EFNA2: variants seen among roughly 807,000 people sequenced by gnomAD.
The protein encoded by EFNA2 is ephrin-A2.
A neutral mutation model predicts 19.7 loss-of-function variants in EFNA2; 18 were observed. The observed-to-expected ratio is 0.91, with a 90% CI of 0.63 to 1.35. The LOEUF (loss-of-function observed/expected upper bound fraction) is 1.35, where lower values mean the gene tolerates loss of function less well. EFNA2 is among the 40% of genes most tolerant of loss of function. EFNA2 has a pLI of 0.00. For missense variants in EFNA2, 303 were observed against 296.0 expected, an observed-to-expected ratio of 1.02 and a Z score of -0.17; for synonymous variants, 187 against 137.8, an observed-to-expected ratio of 1.36 and a Z score of -2.50.
Position 1,295,532 on chromosome 19 carries a change from C to G in EFNA2, c.141-13C>G. On this transcript the variant is annotated splice_polypyrimidine_tract_variant and intron_variant, in intron 1 of 3. Coordinates refer to ENST00000215368, the MANE Select transcript of EFNA2 (RefSeq NM_001405.4). This position sits in a 1 kb window ranked among gnomAD's most constrained non-coding sequence, Gnocchi z 5.8. ...GCTCCGGGCGCTGACCTCTGGCCGC[C>G]TTGTCCCCGCAGGTTCCACGCAGGC... is the stretch of plus-strand genomic sequence containing the variant. 4 of 1,569,330 alleles carry G rather than the reference C, an allele frequency of 2.5e-6. No homozygotes were observed. The highest frequency in any genetic ancestry group is 2.6e-6 in the Non-Finnish European group (3 of 1,159,416).
At position 1,300,406 on chromosome 19, in the gene EFNA2, ACAG is replaced by A. The variant is rs2081537032; in HGVS notation, c.*463_*465del. ...GAACGCGGAACATGGGGTCGGGAAC[ACAG>A]CCGCTCCCCTCTGCTCTGCACCCCA... On this transcript the variant is annotated 3_prime_UTR_variant, in exon 4 of 4. Transcript: ENST00000215368. 6.6e-6 allele frequency among the ~76,000 whole-genome samples: 1 copy of A among 151,246 alleles called. No homozygotes were observed. Among genetic ancestry groups the A allele is most frequent in the South Asian group, 2.1e-4 (1 of 4,806 alleles).
In EFNA2 at chr19:1,297,508, C is replaced by T. The variant is rs1287350462; in HGVS notation, c.455-1043C>T. Among the ~76,000 whole-genome samples the T allele has an allele frequency of 1.3e-5, 2 of 152,018 alleles. No homozygotes were observed. Among genetic ancestry groups the T allele is most frequent in the Non-Finnish European group, 2.9e-5 (2 of 68,006 alleles). ...TCCAGTGTGAGGGGTTTCTAGGGGG[C>T]GGGCAGAGGTGGTGGCCATGAGAGC... On this transcript the variant is annotated intron_variant, in intron 2 of 3. Transcript: ENST00000215368. The surrounding 1 kb of genome is among the most constrained non-coding windows in gnomAD (Gnocchi z 5.0).
chr19:1,295,892 G>T lies in EFNA2; in HGVS notation c.454+34G>T, dbSNP rs563038455. ...GGTCGGGCCGGGGCTGCCGGGGCCC[G>T]AGTGGGCGGGGACGCGGGGGCGGGG... On this transcript the variant is annotated intron_variant, in intron 2 of 3. Transcript: ENST00000215368. This position sits in a 1 kb window ranked among gnomAD's most constrained non-coding sequence, Gnocchi z 5.8. 1 of 1,529,706 alleles carries T rather than the reference G, an allele frequency of 6.5e-7. No individual in the cohort carries two copies. The highest frequency in any genetic ancestry group is 1.2e-5 in the South Asian group (1 of 81,308). 94.8% of individuals were successfully genotyped at this position (1,529,706 alleles called of 1,614,324 possible).
chr19:1,288,771 T>C (rs1260523209), intron 1 of EFNA2, among the ~76,000 whole-genome samples: 1 of 151,278 alleles, frequency 6.6e-6, no homozygotes, highest in Non-Finnish European at 1.5e-5. Context: ...CGCTATAAGG[T>C]GGGGCCCCGT....
rs1026077295 is a variant in EFNA2, at chr19:1,301,331, G to C, written c.*1386G>C. Among the ~76,000 whole-genome samples, 1 of 151,342 alleles carries C rather than the reference G, an allele frequency of 6.6e-6. No individual in the cohort carries two copies. Among genetic ancestry groups the C allele is most frequent in the Non-Finnish European group, 1.5e-5 (1 of 67,862 alleles). On this transcript the variant is annotated 3_prime_UTR_variant, in exon 4 of 4. Transcript: ENST00000215368. ...TTGTAGGGGGTCGGCGGGGCGGGCCGCGTTGCCAGGCCTGGAGCTGGCGAC... is the reference window on the plus strand; with the variant it reads ...TTGTAGGGGGTCGGCGGGGCGGGCCCCGTTGCCAGGCCTGGAGCTGGCGAC...
chr19:1,293,073 G>T (rs979964673), intron 1 of EFNA2, among the ~76,000 whole-genome samples: 3 of 152,188 alleles, frequency 2.0e-5, no homozygotes, highest in Non-Finnish European at 4.4e-5. Flanking sequence ...GTTGAATGTG[G>T]CTCCCTGGGG....
In EFNA2 at chr19:1,287,441, C is replaced by T. The variant is rs1325664384; in HGVS notation, c.140+1133C>T. 6.6e-6 allele frequency among the ~76,000 whole-genome samples: 1 copy of T among 152,198 alleles called. No homozygotes were observed. The highest frequency in any genetic ancestry group is 2.4e-5 in the African/African-American group (1 of 41,448). On this transcript the variant is annotated intron_variant, in intron 1 of 3. Transcript: ENST00000215368. This position sits in a 1 kb window ranked among gnomAD's most constrained non-coding sequence, Gnocchi z 6.2. ...TCCGTTTTCCAGCCGCTTCCTGTGCCGACCGAGCCGCCCTCTGGAGCCCGC... is the reference window on the plus strand; with the variant it reads ...TCCGTTTTCCAGCCGCTTCCTGTGCTGACCGAGCCGCCCTCTGGAGCCCGC...
At position 1,296,468 on chromosome 19, in the gene EFNA2, G is replaced by C. The variant is rs1462096144; in HGVS notation, c.454+610G>C. On this transcript the variant is annotated intron_variant, in intron 2 of 3. Coordinates refer to ENST00000215368, the MANE Select transcript of EFNA2 (RefSeq NM_001405.4). The surrounding 1 kb of genome is among the most constrained non-coding windows in gnomAD (Gnocchi z 4.4). ...GAGGCGGGAGGATCACTTGAGGCCAGCGTGGACAACGTAGGGAGACCTTCT... is the reference window on the plus strand; with the variant it reads ...GAGGCGGGAGGATCACTTGAGGCCACCGTGGACAACGTAGGGAGACCTTCT... Among the ~76,000 whole-genome samples, 1 of 152,176 alleles carries C rather than the reference G, an allele frequency of 6.6e-6. No homozygotes were observed. The highest frequency in any genetic ancestry group is 1.5e-5 in the Non-Finnish European group (1 of 68,032).
At position 1,294,118 on chromosome 19, in the gene EFNA2, C is replaced by T. The variant is rs1297023144; in HGVS notation, c.141-1427C>T. Among the ~76,000 whole-genome samples, 1 of 152,256 alleles carries T rather than the reference C, an allele frequency of 6.6e-6. No homozygotes were observed. Among genetic ancestry groups the T allele is most frequent in the East Asian group, 1.9e-4 (1 of 5,198 alleles). Reference sequence around the variant, plus strand: ...CAACACTGGTGGGGCCTCAGTTTCCCCTGCCTGTGCATGGAGGGAGGAGGC... The same window carrying T: ...CAACACTGGTGGGGCCTCAGTTTCCTCTGCCTGTGCATGGAGGGAGGAGGC... On this transcript the variant is annotated intron_variant, in intron 1 of 3. Transcript: ENST00000215368. This position sits in a 1 kb window ranked among gnomAD's most constrained non-coding sequence, Gnocchi z 5.8.
Position 1,294,280 on chromosome 19 carries a change from G to A in EFNA2, c.141-1265G>A, listed in dbSNP as rs547355901. Among the ~76,000 whole-genome samples the A allele has an allele frequency of 3.9e-5, 6 of 152,338 alleles. No homozygotes were observed. The highest frequency in any genetic ancestry group is 1.9e-4 in the East Asian group (1 of 5,182). On this transcript the variant is annotated intron_variant, in intron 1 of 3. Transcript: ENST00000215368. This position sits in a 1 kb window ranked among gnomAD's most constrained non-coding sequence, Gnocchi z 5.8. ...GACAGGGGCCCTGGGGACCACAGCC[G>A]GGAGATCTAAGGGCTCCTGCCGCCA...
chr19:1,285,238 A>G (rs2081457757), upstream of EFNA2, among the ~76,000 whole-genome samples: 1 of 152,192 alleles, frequency 6.6e-6, no homozygotes, highest in African/African-American at 2.4e-5. The surrounding 1 kb of genome is among the most constrained non-coding windows in gnomAD (Gnocchi z 4.1). Context: ...CCCTGCCTGC[A>G]GGATTCGTGC....
chr19:1,289,841 C>T (rs1330070623), intron 1 of EFNA2, among the ~76,000 whole-genome samples: 2 of 152,198 alleles, frequency 1.3e-5, no homozygotes, highest in Admixed American at 1.3e-4. Flanking sequence ...CCGCTGGCGT[C>T]CCTCGGCCTC....
In EFNA2 at chr19:1,295,422, T is replaced by C. The variant is rs1600059458; in HGVS notation, c.141-123T>C. On this transcript the variant is annotated intron_variant, in intron 1 of 3. Coordinates refer to ENST00000215368, the MANE Select transcript of EFNA2 (RefSeq NM_001405.4). The surrounding 1 kb of genome is among the most constrained non-coding windows in gnomAD (Gnocchi z 5.8). Reference sequence around the variant, plus strand: ...TCCCCCGTGCTCCTGACCCCGGCCCTCGCCGCGCACCCCGACCCGTCCCTC... The same window carrying C: ...TCCCCCGTGCTCCTGACCCCGGCCCCCGCCGCGCACCCCGACCCGTCCCTC... 1 of 987,732 alleles carries C rather than the reference T, an allele frequency of 1.0e-6. No individual in the cohort carries two copies. Among genetic ancestry groups the C allele is most frequent in the Non-Finnish European group, 1.4e-6 (1 of 731,112 alleles). The allele number at this position is 987,732 out of a possible 1,614,324, so 61.2% of individuals were successfully genotyped here.
chr19:1,290,284 G>A (rs533664653), intron 1 of EFNA2, among the ~76,000 whole-genome samples: 1 of 152,258 alleles, frequency 6.6e-6, no homozygotes, highest in African/African-American at 2.4e-5. Context: ...TGTGTCTCAC[G>A]GTCTCTTTGG....
At chr19:1,288,840 A>G (rs577722144) in intron 1 of EFNA2, among the ~76,000 whole-genome samples, 21 of 152,212 alleles carry the variant, frequency 1.4e-4, no homozygotes, top group South Asian at 6.2e-4. Context: ...GCGTCCGTCC[A>G]ACCCACTCCC....
Position 1,294,920 on chromosome 19 carries a change from C to T in EFNA2, c.141-625C>T, listed in dbSNP as rs745398117. Among the ~76,000 whole-genome samples, 3 of 151,766 alleles carry T rather than the reference C, an allele frequency of 2.0e-5. No individual in the cohort carries two copies. Among genetic ancestry groups the T allele is most frequent in the Non-Finnish European group, 3.0e-5 (2 of 67,758 alleles). On this transcript the variant is annotated intron_variant, in intron 1 of 3. Coordinates refer to ENST00000215368, the MANE Select transcript of EFNA2 (RefSeq NM_001405.4). The surrounding 1 kb of genome is among the most constrained non-coding windows in gnomAD (Gnocchi z 5.8). ...AGATGTTAAGCATGTTAGGTAGATG[C>T]GAAGTTTCTGGAGAGGGAATTCTTG...
In EFNA2 at chr19:1,286,555, A is replaced by T. The variant is rs1029286724; in HGVS notation, c.140+247A>T. On this transcript the variant is annotated intron_variant, in intron 1 of 3. Coordinates refer to ENST00000215368, the MANE Select transcript of EFNA2 (RefSeq NM_001405.4). The surrounding 1 kb of genome is among the most constrained non-coding windows in gnomAD (Gnocchi z 5.6). ...TACGGACTGTGGGGACTCGCGCCCC[A>T]CATCCCCCAGAGCGCCGACGTCTCC... 1.3e-5 allele frequency among the ~76,000 whole-genome samples: 2 copies of T among 151,772 alleles called. No homozygotes were observed. The highest frequency in any genetic ancestry group is 2.9e-5 in the Non-Finnish European group (2 of 67,860).
In EFNA2 at chr19:1,295,597, A is replaced by C; in HGVS notation, c.193A>C (p.Ile65Leu). ...DGGGYTVEVSINDYLDIYCPH... is the reference protein window; with the variant it reads ...DGGGYTVEVSLNDYLDIYCPH... ...CGGGGGCTACACGGTGGAGGTGAGC[A>C]TCAATGACTACCTGGACATCTACTG... Residue 65 changes from isoleucine (I) to leucine (L), a missense_variant, in exon 2 of 4, where the codon ATC (isoleucine) becomes CTC (leucine). Coordinates refer to ENST00000215368, the MANE Select transcript of EFNA2 (RefSeq NM_001405.4). This position sits in a 1 kb window ranked among gnomAD's most constrained non-coding sequence, Gnocchi z 5.8. 1 of 1,610,894 alleles carries C rather than the reference A, an allele frequency of 6.2e-7. No individual in the cohort carries two copies. The highest frequency in any genetic ancestry group is 8.5e-7 in the Non-Finnish European group (1 of 1,179,176).
In EFNA2 at chr19:1,296,868, C is replaced by A. The variant is rs2081518314; in HGVS notation, c.454+1010C>A. On this transcript the variant is annotated intron_variant, in intron 2 of 3. Transcript: ENST00000215368. This position sits in a 1 kb window ranked among gnomAD's most constrained non-coding sequence, Gnocchi z 4.4. ...CTGCAGGACCCCATGGTGGGCCAGG[C>A]TGGGTGGGCCAGGCTGAGGGAGGCT... 6.6e-6 allele frequency among the ~76,000 whole-genome samples: 1 copy of A among 152,200 alleles called. No individual in the cohort carries two copies. The highest frequency in any genetic ancestry group is 2.4e-5 in the African/African-American group (1 of 41,446).
Sources: gnomAD v4.1 joint callset for allele counts (sites outside exome capture counted in the v4.1 genomes callset) on GRCh38, gnomAD v4.1.1 for gene constraint, Gnocchi (gnomAD v3.1) non-coding constraint, MANE v1.5 for transcripts, NCBI Gene and HGNC (gene_info 2026-07-23, HGNC 2026-07-21) for gene names.